DENND5B: variants seen among roughly 807,000 people sequenced by gnomAD.
DENND5B encodes DENN domain-containing protein 5B.
In DENND5B, 34 loss-of-function variants were observed where a neutral mutation model predicts 140.6. The observed-to-expected ratio is 0.24, with a 90% CI of 0.18 to 0.32. The LOEUF is 0.32. DENND5B is among the 10% of genes least tolerant of loss of function. The pLI, the probability that DENND5B is intolerant of heterozygous loss-of-function variation, is 1.00. For synonymous variants in DENND5B, 551 were observed against 562.1 expected, an observed-to-expected ratio of 0.98 and a Z score of 0.28; for missense variants, 1,142 against 1,560.2, an observed-to-expected ratio of 0.73 and a Z score of 4.52.
chr12:31,490,255 C>A (rs1297785786), intron 2 of DENND5B, among the ~76,000 whole-genome samples: 2 of 147,388 alleles, frequency 1.4e-5, no homozygotes, highest in Non-Finnish European at 3.0e-5. Flanking sequence ...ATGGGGGTGG[C>A]GGGGGCAAAA....
At chr12:31,523,681 TTA>T (rs1231023910) in intron 1 of DENND5B, among the ~76,000 whole-genome samples, 4 of 151,950 alleles carry the variant, frequency 2.6e-5, no homozygotes, top group African/African-American at 9.7e-5. Context: ...ATGGTTAACT[TTA>T]TGTTATATAA....
intron 1 of DENND5B, among the ~76,000 whole-genome samples, chr12:31,501,239 G>T (rs972324681): frequency 4.9e-4 from 75 of 152,154 alleles, no homozygotes; most frequent in African/African-American, 1.8e-3. Flanking sequence ...CACAAAATCT[G>T]ATGGTTTTAT....
chr12:31,412,989 C>T (rs1019317394), intron 13 of DENND5B, among the ~76,000 whole-genome samples: 32 of 152,118 alleles, frequency 2.1e-4, no homozygotes, highest in African/African-American at 7.0e-4. Flanking sequence ...GACATGATCT[C>T]AGCTCACTGC....
intron 1 of DENND5B, among the ~76,000 whole-genome samples, chr12:31,532,270 G>A (rs1288355917): frequency 6.6e-6 from 1 of 152,194 alleles, no homozygotes; most frequent in African/African-American, 2.4e-5. Context: ...CAAAGACTGG[G>A]GGATAGGGGG....
intron 2 of DENND5B, among the ~76,000 whole-genome samples, chr12:31,487,921 C>T (rs1185271381): frequency 1.3e-5 from 2 of 152,058 alleles, no homozygotes; most frequent in Non-Finnish European, 2.9e-5. Flanking sequence ...GGGTAAAGCA[C>T]CAGGCTTAGT....
chr12:31,492,623 G>T (rs1946575000), intron 2 of DENND5B, among the ~76,000 whole-genome samples: 1 of 152,228 alleles, frequency 6.6e-6, no homozygotes. Flanking sequence ...AATTTAAGAA[G>T]ATTAAGTATT....
At chr12:31,582,625 T>G (rs971122518) in intron 1 of DENND5B, among the ~76,000 whole-genome samples, 1 of 152,166 alleles carries the variant, frequency 6.6e-6, no homozygotes, top group Non-Finnish European at 1.5e-5. Flanking sequence ...CTTCTAAATC[T>G]AAATCTGTGA....
In DENND5B at chr12:31,392,606, A is replaced by G. The variant is rs1941208274; in HGVS notation, c.3339+8T>C. On this transcript the variant is annotated splice_region_variant and intron_variant, in intron 18 of 20. Coordinates refer to ENST00000389082, the MANE Select transcript of DENND5B (RefSeq NM_144973.4). ...CCCACTATACTAAGTTTTATAGCCC[A>G]TAAATACCTCTTTTTCAGGTTTATG... is the stretch of plus-strand genomic sequence containing the variant. 6 of 1,554,628 alleles carry G rather than the reference A, an allele frequency of 3.9e-6. No individual in the cohort carries two copies. Among genetic ancestry groups the G allele is most frequent in the Non-Finnish European group, 2.6e-6 (3 of 1,148,432 alleles).
chr12:31,454,993 T>G (rs1032276233), intron 4 of DENND5B, among the ~76,000 whole-genome samples: 1 of 151,914 alleles, frequency 6.6e-6, no homozygotes, highest in Non-Finnish European at 1.5e-5. Flanking sequence ...TAATTTTTTT[T>G]GTATTTTTAG....
chr12:31,391,631 A>G (rs1055184365), intron 19 of DENND5B, among the ~76,000 whole-genome samples: 5 of 152,188 alleles, frequency 3.3e-5, no homozygotes, highest in Non-Finnish European at 2.9e-5. Flanking sequence ...AAACAAAGAC[A>G]ATACTTGATA....
At chr12:31,501,638 T>C (rs1393596119) in intron 1 of DENND5B, among the ~76,000 whole-genome samples, 1 of 151,932 alleles carries the variant, frequency 6.6e-6, no homozygotes, top group South Asian at 2.1e-4. Flanking sequence ...CCAGGCATGG[T>C]GGTGCATGCC....
At chr12:31,527,823 T>C (rs756054640) in intron 1 of DENND5B, among the ~76,000 whole-genome samples, 2 of 152,274 alleles carry the variant, frequency 1.3e-5, no homozygotes, top group South Asian at 2.1e-4. Flanking sequence ...TAATAGGCTT[T>C]ATGCAACATC....
chr12:31,512,203 C>T (rs917821758), intron 1 of DENND5B, among the ~76,000 whole-genome samples: 5 of 151,772 alleles, frequency 3.3e-5, no homozygotes, highest in African/African-American at 1.2e-4. Flanking sequence ...GCGTGAGTCA[C>T]CGCACCAGCC....
At chr12:31,511,825 A>G (rs1947428927) in intron 1 of DENND5B, among the ~76,000 whole-genome samples, 1 of 152,056 alleles carries the variant, frequency 6.6e-6, no homozygotes, top group Admixed American at 6.6e-5. Context: ...TCACTTATTT[A>G]AAATATTGGT....
intron 1 of DENND5B, among the ~76,000 whole-genome samples, chr12:31,521,313 C>T (rs994020951): frequency 6.1e-5 from 9 of 147,754 alleles, no homozygotes; most frequent in Non-Finnish European, 1.0e-4. Flanking sequence ...TACAAAAAAA[C>T]TTTTTTTTTT....
At chr12:31,572,891 T>A (rs1263685409) in intron 1 of DENND5B, among the ~76,000 whole-genome samples, 1 of 152,142 alleles carries the variant, frequency 6.6e-6, no homozygotes, top group Non-Finnish European at 1.5e-5. Context: ...ATTAAATAGA[T>A]TTGGGGGACA....
At chr12:31,514,361 C>T (rs1565654233) in intron 1 of DENND5B, among the ~76,000 whole-genome samples, 1 of 152,142 alleles carries the variant, frequency 6.6e-6, no homozygotes, top group Non-Finnish European at 1.5e-5. Flanking sequence ...GTGATTTTCT[C>T]AGAATGTATC....
intron 1 of DENND5B, among the ~76,000 whole-genome samples, chr12:31,584,906 G>A (rs1950345182): frequency 6.6e-6 from 1 of 151,164 alleles, no homozygotes; most frequent in Admixed American, 6.6e-5. Flanking sequence ...GAGGCATGGC[G>A]CCAGCATCTA....
intron 2 of DENND5B, among the ~76,000 whole-genome samples, chr12:31,480,895 A>G (rs1207507868): frequency 1.3e-5 from 2 of 152,236 alleles, no homozygotes; most frequent in Non-Finnish European, 2.9e-5. Context: ...GATTACTTCT[A>G]GTAGAGATTA....
Sources: allele counts gnomAD v4.1 joint callset (sites outside exome capture counted in the v4.1 genomes callset), GRCh38; gene constraint gnomAD v4.1.1; transcripts MANE v1.5; gene names NCBI Gene and HGNC (gene_info 2026-07-23, HGNC 2026-07-21).